The following HDAC9 variants were observed in gnomAD, a reference collection of about 807,000 sequenced individuals.
The protein encoded by HDAC9 is histone deacetylase 9.
In HDAC9, 41 loss-of-function variants were observed where a neutral mutation model predicts 139.4. The observed-to-expected ratio is 0.29, with a 90% CI of 0.23 to 0.38. HDAC9 has a LOEUF of 0.38. Among genes scored for constraint, HDAC9 ranks in the 10% least tolerant of loss-of-function variants. The pLI is 1.00. For missense variants in HDAC9, 1,147 were observed against 1,297.0 expected (o/e 0.88, Z 1.78); for synonymous variants, 517 against 476.2 (o/e 1.09, Z -1.12).
rs574808849 is a variant in HDAC9, at chr7:18,117,373, C to A, written c.-97+30160C>A. 7.2e-5 allele frequency among the ~76,000 whole-genome samples: 11 copies of A among 152,068 alleles called. No individual in the cohort carries two copies. In the East Asian group the frequency reaches 1.9e-3, roughly 27 times the overall value. ...TGGTGGTGGGCGCCTGTAGTCCCAG[C>A]TACTCGGGAGGCTGAGGCAGGAGAA... On this transcript the variant is annotated intron_variant, in intron 1 of 12. Transcript: ENST00000417496.
At chr7:18,345,810 T>C (rs1287644483) in intron 1 of HDAC9, among the ~76,000 whole-genome samples, 2 of 152,012 alleles carry the variant, frequency 1.3e-5, no homozygotes, top group African/African-American at 4.8e-5. Context: ...CAGCATTTTT[T>C]TTCCCCTTTT....
At chr7:18,496,963 A>G (rs1304809802) in intron 2 of HDAC9, among the ~76,000 whole-genome samples, 1 of 152,160 alleles carries the variant, frequency 6.6e-6, no homozygotes, top group Non-Finnish European at 1.5e-5. Context: ...ATGTGATGGC[A>G]TAACACACAT....
chr7:18,194,253 C>T (rs1244598610), intron 2 of HDAC9, among the ~76,000 whole-genome samples: 2 of 152,132 alleles, frequency 1.3e-5, no homozygotes, highest in South Asian at 2.1e-4. Context: ...AGCTTTTTTA[C>T]ATATCTCTGT....
At chr7:18,656,997 T>C (rs1041727398) in intron 11 of HDAC9, among the ~76,000 whole-genome samples, 1 of 152,192 alleles carries the variant, frequency 6.6e-6, no homozygotes, top group Non-Finnish European at 1.5e-5. Context: ...GGTGAGATGA[T>C]GTCTCATTGT....
intron 1 of HDAC9, among the ~76,000 whole-genome samples, chr7:18,119,930 G>C (rs1430662582): frequency 2.0e-5 from 3 of 152,140 alleles, no homozygotes; most frequent in Non-Finnish European, 4.4e-5. Context: ...CAATCCTTGG[G>C]GTGTTTGCCA....
At position 18,829,499 on chromosome 7, in the gene HDAC9, A is replaced by G. The variant is rs1795704752; in HGVS notation, c.2417A>G (p.Lys806Arg). The G allele has an allele frequency of 1.2e-6, 2 of 1,612,926 alleles. No individual in the cohort carries two copies. The highest frequency in any genetic ancestry group is 2.2e-5 in the East Asian group (1 of 44,880). The change falls in exon 19 of 26, where the codon AAA (lysine) becomes AGA (arginine). Residue 806 changes from lysine to arginine, a missense_variant. By Grantham distance (26) the Lys-to-Arg change is conservative. Around this residue, in one of 7 missense-constraint regions of HDAC9, gnomAD observed 407 missense variants for 521.5 expected, o/e 0.78. Coordinates refer to ENST00000686413, the MANE Select transcript of HDAC9 (RefSeq NM_178425.4). ...TTTAATTCAGTTGCAATTACCGCCA[A>G]ATACTTGAGAGACCAACTAAATATA... is the stretch of plus-strand genomic sequence containing the variant. ...CFFNSVAITA[K>R]YLRDQLNISK...
intron 1 of HDAC9, among the ~76,000 whole-genome samples, chr7:18,336,143 A>T (rs1258237994): frequency 6.6e-6 from 1 of 151,546 alleles, no homozygotes; most frequent in Non-Finnish European, 1.5e-5. Context: ...AAGTATTTTA[A>T]CCTCTTGTGC....
intron 22 of HDAC9, among the ~76,000 whole-genome samples, chr7:18,912,898 C>A (rs576375725): frequency 2.0e-5 from 3 of 152,096 alleles, no homozygotes; most frequent in East Asian, 3.9e-4. Flanking sequence ...TGCTCATGCA[C>A]CTTGAAATGT....
At chr7:18,418,648 A>G (rs567789783) in intron 1 of HDAC9, among the ~76,000 whole-genome samples, 3 of 152,006 alleles carry the variant, frequency 2.0e-5, no homozygotes, top group Non-Finnish European at 2.9e-5. Context: ...AAAGGACTTT[A>G]TTTTTTACTT....
chr7:18,750,713 A>C lies in HDAC9; in HGVS notation c.2043+1575A>C, dbSNP rs568925841. Among the ~76,000 whole-genome samples, 4 of 152,204 alleles carry C rather than the reference A, an allele frequency of 2.6e-5. No homozygotes were observed. In the East Asian group the frequency reaches 7.7e-4, roughly 29 times the overall value. ...TGGAGGCCAAACCATTCTCTTTTCT[A>C]TGCAATCCCATATGGAGTCCATAAA... is the stretch of plus-strand genomic sequence containing the variant. On this transcript the variant is annotated intron_variant, in intron 14 of 25. Transcript: ENST00000686413.
intron 1 of HDAC9, among the ~76,000 whole-genome samples, chr7:18,296,619 C>T (rs568351781): frequency 4.1e-4 from 62 of 152,070 alleles, no homozygotes; most frequent in Non-Finnish European, 3.7e-4. Context: ...TATCCCCAAA[C>T]GAAGTATGAA....
chr7:18,107,715 T>C (rs1783324694), intron 1 of HDAC9, among the ~76,000 whole-genome samples: 1 of 152,248 alleles, frequency 6.6e-6, no homozygotes, highest in South Asian at 2.1e-4. Flanking sequence ...CTGTACTTTT[T>C]AAAACAGCTT....
chr7:18,665,960 C>A (rs1204442059), intron 11 of HDAC9, among the ~76,000 whole-genome samples: 1 of 151,978 alleles, frequency 6.6e-6, no homozygotes, highest in African/African-American at 2.4e-5. Flanking sequence ...AAAGAGTGAT[C>A]CATTAAAAAG....
intron 1 of HDAC9, among the ~76,000 whole-genome samples, chr7:18,112,840 A>C (rs1239220291): frequency 5.3e-5 from 8 of 152,176 alleles, no homozygotes; most frequent in Non-Finnish European, 2.9e-5. Context: ...TTTTTTGAAA[A>C]GTATGGCAGA....
intron 21 of HDAC9, among the ~76,000 whole-genome samples, chr7:18,847,038 C>T (rs535710231): frequency 6.6e-5 from 10 of 152,218 alleles, no homozygotes; most frequent in Non-Finnish European, 5.9e-5. Context: ...TAAAAGTGTT[C>T]GCCACACCAC....
chr7:18,667,090 T>C (rs1795063830), intron 12 of HDAC9: 1 of 985,200 alleles, frequency 1.0e-6, no homozygotes, highest in Non-Finnish European at 1.2e-6. Flanking sequence ...TTGAACATAT[T>C]AGGAATACAG....
chr7:18,839,838 T>A (rs1053959502), intron 21 of HDAC9, among the ~76,000 whole-genome samples: 1 of 152,056 alleles, frequency 6.6e-6, no homozygotes, highest in Non-Finnish European at 1.5e-5. Flanking sequence ...GGCACATTAT[T>A]TTTTCTAAAG....
chr7:18,112,111 C>T (rs1211718880), intron 1 of HDAC9, among the ~76,000 whole-genome samples: 1 of 152,120 alleles, frequency 6.6e-6, no homozygotes. Flanking sequence ...CAACATTTTT[C>T]TATTATCTAT....
rs145802499 is a variant in HDAC9 at position 18,469,565 on chromosome 7, C to A, written c.-41-26697C>A. ...TGTGTAGGTGTTCAGTAGTAACAAC[C>A]TAATGGTACCACATTGTATTTCATG... On this transcript the variant is annotated intron_variant, in intron 1 of 3. Transcript: ENST00000413509. 1.3e-4 allele frequency among the ~76,000 whole-genome samples: 20 copies of A among 152,196 alleles called. No homozygotes were observed. The East Asian group carries it at 3.9e-3, about 29-fold the overall frequency.
Sources: allele counts gnomAD v4.1 joint callset (sites outside exome capture counted in the v4.1 genomes callset), GRCh38; gene constraint gnomAD v4.1.1; regional missense constraint gnomAD v4.1.1; transcripts MANE v1.5; gene names NCBI Gene and HGNC (gene_info 2026-07-23, HGNC 2026-07-21).